KIAA0319: variants seen among roughly 807,000 people sequenced by gnomAD.
The protein encoded by KIAA0319 is dyslexia-associated protein KIAA0319.
In KIAA0319, 83 loss-of-function variants were observed where a neutral mutation model predicts 108.4. The ratio of observed to expected loss-of-function variants is 0.77; its 90% CI spans 0.64 to 0.92. The LOEUF (loss-of-function observed/expected upper bound fraction) is 0.92, where lower values mean the gene tolerates loss of function less well. KIAA0319 is among the 40% of genes least tolerant of loss of function. KIAA0319 has a pLI of 0.00. For missense variants in KIAA0319, 1,195 were observed against 1,322.4 expected, an observed-to-expected ratio of 0.90 and a Z score of 1.49; for synonymous variants, 484 against 510.4, an observed-to-expected ratio of 0.95 and a Z score of 0.70.
At chr6:24,552,646 C>T (rs1761673209) in intron 19 of KIAA0319, among the ~76,000 whole-genome samples, 1 of 152,146 alleles carries the variant, frequency 6.6e-6, no homozygotes, top group Non-Finnish European at 1.5e-5. Flanking sequence ...GCTTTTGTTG[C>T]CCTGGCTGGA....
intron 1 of KIAA0319, among the ~76,000 whole-genome samples, chr6:24,627,057 TAAA>T (rs745306016): frequency 5.5e-4 from 84 of 152,282 alleles, no homozygotes; most frequent in South Asian, 1.5e-3. Flanking sequence ...AGTGCGGTCT[TAAA>T]AAAAGCAGGG....
chr6:24,639,675 C>T (rs987879584), intron 1 of KIAA0319, among the ~76,000 whole-genome samples: 2 of 151,946 alleles, frequency 1.3e-5, no homozygotes, highest in African/African-American at 4.8e-5. Context: ...TAGTGAAACC[C>T]CATTTCTACT....
intron 1 of KIAA0319, among the ~76,000 whole-genome samples, chr6:24,615,915 T>C (rs2127561433): frequency 6.6e-6 from 1 of 152,292 alleles, no homozygotes; most frequent in East Asian, 1.9e-4. Flanking sequence ...ATTCCATCTA[T>C]AGTCAGTATA....
intron 10 of KIAA0319, among the ~76,000 whole-genome samples, chr6:24,576,064 G>T (rs879839672): frequency 6.6e-6 from 1 of 152,130 alleles, no homozygotes; most frequent in Non-Finnish European, 1.5e-5. Context: ...TTATTTCTAA[G>T]GTTTCTCCCA....
chr6:24,624,560 T>C (rs1172782989), intron 1 of KIAA0319, among the ~76,000 whole-genome samples: 2 of 151,764 alleles, frequency 1.3e-5, no homozygotes, highest in African/African-American at 2.4e-5. Flanking sequence ...AAGGAAAACA[T>C]TGAGGAAAAA....
intron 18 of KIAA0319, among the ~76,000 whole-genome samples, chr6:24,554,875 G>A (rs1189725650): frequency 6.6e-5 from 10 of 152,104 alleles, no homozygotes; most frequent in African/African-American, 2.4e-4. Flanking sequence ...TATTTCATGC[G>A]AACTTGGGAA....
chr6:24,629,514 CA>C (rs397974257), intron 1 of KIAA0319, among the ~76,000 whole-genome samples: 33 of 42,392 alleles, frequency 7.8e-4, no homozygotes, highest in Admixed American at 2.1e-3. Flanking sequence ...GACTCTGTCT[CA>C]AAAAAAAAAA....
chr6:24,591,676 A>G (rs1490059912), intron 3 of KIAA0319, among the ~76,000 whole-genome samples: 1 of 152,132 alleles, frequency 6.6e-6, no homozygotes, highest in African/African-American at 2.4e-5. Context: ...GAGAGTTCCA[A>G]TTTCTCTGCA....
chr6:24,629,593 T>G (rs9393571), intron 1 of KIAA0319, among the ~76,000 whole-genome samples: 2 of 150,648 alleles, frequency 1.3e-5, no homozygotes, highest in African/African-American at 4.9e-5. Context: ...CAGCTAAAAG[T>G]GATGGGTGTG....
downstream of KIAA0319, among the ~76,000 whole-genome samples, chr6:24,541,912 G>A (rs1271021918): frequency 6.6e-6 from 1 of 152,194 alleles, no homozygotes; most frequent in Non-Finnish European, 1.5e-5. Context: ...GGCTGAGGCG[G>A]GCGGGTCATT....
chr6:24,582,665 A>AG (rs1338728715), intron 5 of KIAA0319, among the ~76,000 whole-genome samples: 2 of 151,306 alleles, frequency 1.3e-5, no homozygotes, highest in Non-Finnish European at 2.9e-5. Context: ...AAGTTAAAAA[A>AG]AAAAAAACCT....
At chr6:24,549,554 T>C (rs980186939) in intron 20 of KIAA0319, among the ~76,000 whole-genome samples, 1 of 152,124 alleles carries the variant, frequency 6.6e-6, no homozygotes, top group East Asian at 1.9e-4. Flanking sequence ...CAGTGCAACA[T>C]AGAGGAAGAG....
chr6:24,634,304 T>C (rs986944191), intron 1 of KIAA0319, among the ~76,000 whole-genome samples: 1 of 152,226 alleles, frequency 6.6e-6, no homozygotes, highest in African/African-American at 2.4e-5. Context: ...CACACTACCT[T>C]GATTCAAGTG....
In KIAA0319 at chr6:24,622,354, G is replaced by C. The variant is rs192477459; in HGVS notation, c.-105-21146C>G. 5.3e-3 allele frequency among the ~76,000 whole-genome samples: 746 copies of C among 140,720 alleles called. 4 individuals carry two copies. The highest frequency in any genetic ancestry group is 0.017 in the African/African-American group (626 of 37,798). The allele number at this position is 140,720 out of a possible 152,430, so 92.3% of individuals were successfully genotyped here. ...AAAAAAAAAGAACATGAAAAAGAAA[G>C]GCTATGATAAACAAATAGAAGATTA... On this transcript the variant is annotated intron_variant, in intron 1 of 20. Transcript: ENST00000378214.
At chr6:24,645,382 A>G (rs2235677) in intron 1 of KIAA0319, among the ~76,000 whole-genome samples, 106,916 of 152,086 alleles carry the variant, frequency 0.7, 38,150 homozygotes, top group East Asian at 0.87. Flanking sequence ...GAAGAGAAAG[A>G]TTTTAAGCTT....
At chr6:24,541,863 G>A (rs1760203642), downstream of KIAA0319, among the ~76,000 whole-genome samples, 1 of 152,168 alleles carries the variant, frequency 6.6e-6, no homozygotes, top group African/African-American at 2.4e-5. Context: ...TTTCTGGCTG[G>A]TCATGGTGGC....
At position 24,595,964 on chromosome 6, in the gene KIAA0319, G is replaced by C; in HGVS notation, c.710C>G (p.Pro237Arg). ...PKLPERSVLLPLPTTPSSGEV... is the reference protein window; with the variant it reads ...PKLPERSVLLRLPTTPSSGEV... Reference sequence around the variant, plus strand: ...TCCTGAAGATGGAGTAGTCGGCAAGGGAAGCAACACACTTCTCTCAGGGAG... The same window carrying C: ...TCCTGAAGATGGAGTAGTCGGCAAGCGAAGCAACACACTTCTCTCAGGGAG... Residue 237 changes from proline (P) to arginine (R), a missense_variant, in exon 3 of 21, where the codon CCC (proline) becomes CGC (arginine). Physicochemically the swap from Pro to Arg is moderately radical, Grantham distance 103. Coordinates refer to ENST00000378214, the MANE Select transcript of KIAA0319 (RefSeq NM_014809.4). The C allele has an allele frequency of 1.2e-6, 2 of 1,614,182 alleles. No individual in the cohort carries two copies. The highest frequency in any genetic ancestry group is 1.7e-6 in the Non-Finnish European group (2 of 1,180,028).
intron 2 of KIAA0319, among the ~76,000 whole-genome samples, chr6:24,600,179 A>G (rs1042824108): frequency 6.6e-6 from 1 of 152,240 alleles, no homozygotes; most frequent in Non-Finnish European, 1.5e-5. Context: ...AAAGGAAAAA[A>G]TATGGGTCTC....
intron 15 of KIAA0319, 84 bp downstream of exon 15, chr6:24,564,118 C>T: frequency 2.6e-6 from 4 of 1,561,954 alleles, no homozygotes; most frequent in African/African-American, 2.7e-5. Flanking sequence ...AGGCCTCCCA[C>T]ACTGGTCACA....
Sources: allele counts gnomAD v4.1 joint callset (sites outside exome capture counted in the v4.1 genomes callset), GRCh38; gene constraint gnomAD v4.1.1; transcripts MANE v1.5; gene names NCBI Gene and HGNC (gene_info 2026-07-23, HGNC 2026-07-21).